GRIP1: variants seen among roughly 807,000 people sequenced by gnomAD.
GRIP1 encodes glutamate receptor interacting protein 1, also known as glutamate receptor-interacting protein 1.
GRIP1 carries 45 observed loss-of-function variants against 129.9 expected under a neutral mutation model. That is an observed-to-expected ratio of 0.35 (90% CI 0.27 to 0.44). The LOEUF is 0.44. Ranked by LOEUF, GRIP1 falls within the 20% of genes least tolerant of loss-of-function variation. The pLI, the probability that GRIP1 is intolerant of heterozygous loss-of-function variation, is 1.00. For missense variants in GRIP1, 1,196 were observed against 1,396.8 expected (o/e 0.86, Z 2.29); for synonymous variants, 530 against 520.8 (o/e 1.02, Z -0.24).
At chr12:66,721,899 C>CATGAAG (rs2036069352) in intron 1 of GRIP1, among the ~76,000 whole-genome samples, 1 of 152,112 alleles carries the variant, frequency 6.6e-6, no homozygotes, top group Admixed American at 6.5e-5. Flanking sequence ...GAACCAACCT[C>CATGAAG]TTCTAGCTTC....
intron 1 of GRIP1, among the ~76,000 whole-genome samples, chr12:66,960,384 A>T (rs760771438): frequency 1.3e-5 from 2 of 152,176 alleles, no homozygotes; most frequent in Non-Finnish European, 2.9e-5. Flanking sequence ...GACTAGACAC[A>T]TGGAGTGAAG....
intron 1 of GRIP1, among the ~76,000 whole-genome samples, chr12:67,030,001 C>T (rs1592490055): frequency 6.7e-6 from 1 of 149,924 alleles, no homozygotes; most frequent in African/African-American, 2.5e-5. Context: ...GAGATGGAGA[C>T]CATCCTGGAT....
At chr12:66,652,666 T>G (rs553142267) in intron 1 of GRIP1, among the ~76,000 whole-genome samples, 1 of 152,352 alleles carries the variant, frequency 6.6e-6, no homozygotes, top group South Asian at 2.1e-4. Context: ...AGGTAGACGC[T>G]CTGCACAGCG....
chr12:66,654,474 T>C (rs1164029549), intron 1 of GRIP1, among the ~76,000 whole-genome samples: 1 of 152,198 alleles, frequency 6.6e-6, no homozygotes, highest in Admixed American at 6.5e-5. Flanking sequence ...GAATGTGGAA[T>C]GTTGCTTGGT....
chr12:66,564,847 T>C (rs2062688535), intron 2 of GRIP1, among the ~76,000 whole-genome samples: 1 of 152,250 alleles, frequency 6.6e-6, no homozygotes, highest in South Asian at 2.1e-4. Flanking sequence ...TATCTCCTTG[T>C]GGTTTTGATT....
chr12:67,009,266 G>A (rs1324714534), intron 1 of GRIP1, among the ~76,000 whole-genome samples: 2 of 152,060 alleles, frequency 1.3e-5, no homozygotes, highest in Non-Finnish European at 2.9e-5. Flanking sequence ...ATTTTAAGAG[G>A]GGATTATTTA....
At chr12:66,701,355 T>A (rs2035345436) in intron 1 of GRIP1, among the ~76,000 whole-genome samples, 1 of 152,116 alleles carries the variant, frequency 6.6e-6, no homozygotes, top group Non-Finnish European at 1.5e-5. Context: ...ATTACTTTAA[T>A]AACACAAAAA....
At chr12:66,582,023 T>C (rs867085370) in intron 2 of GRIP1, among the ~76,000 whole-genome samples, 4 of 152,140 alleles carry the variant, frequency 2.6e-5, no homozygotes, top group African/African-American at 7.2e-5. Flanking sequence ...ACTGGCAAAC[T>C]GAATCCAGCA....
At chr12:66,527,318 C>T (rs146262690) in intron 5 of GRIP1, among the ~76,000 whole-genome samples, 5 of 151,588 alleles carry the variant, frequency 3.3e-5, no homozygotes, top group African/African-American at 4.9e-5. Context: ...AAATGTGGCA[C>T]ATATACACCA....
intron 1 of GRIP1, among the ~76,000 whole-genome samples, chr12:66,961,365 G>C (rs921570778): frequency 1.3e-5 from 2 of 152,032 alleles, no homozygotes; most frequent in African/African-American, 4.8e-5. Flanking sequence ...AAAAAAGGAT[G>C]AATCACTTTA....
chr12:66,564,372 T>C (rs915663524), intron 2 of GRIP1, among the ~76,000 whole-genome samples: 1 of 149,496 alleles, frequency 6.7e-6, no homozygotes, highest in Admixed American at 6.8e-5. Context: ...TGAGAAGATG[T>C]AGTGTTTGGT....
intron 2 of GRIP1, chr12:66,567,695 A>C (rs2062816382): frequency 4.6e-6 from 1 of 219,388 alleles, no homozygotes; most frequent in South Asian, 8.0e-5. Flanking sequence ...CATATTTTGC[A>C]TACATTACAC....
chr12:66,723,311 T>TCC (rs1565988194), intron 1 of GRIP1, among the ~76,000 whole-genome samples: 1 of 69,290 alleles, frequency 1.4e-5, no homozygotes, highest in African/African-American at 7.1e-5. Context: ...TTTCTTTTTT[T>TCC]TTTTTTTTTT....
intron 1 of GRIP1, among the ~76,000 whole-genome samples, chr12:66,895,214 CAT>C (rs1196195400): frequency 2.0e-5 from 3 of 152,180 alleles, no homozygotes; most frequent in Admixed American, 6.5e-5. Context: ...ATAATCCCCA[CAT>C]GTCATGGGAA....
chr12:66,766,688 C>T lies in GRIP1; in HGVS notation c.-420+37365G>A, dbSNP rs138715805. Among the ~76,000 whole-genome samples, 623 of 152,140 alleles carry T rather than the reference C, an allele frequency of 4.1e-3. 2 individuals carry two copies. The highest frequency in any genetic ancestry group is 0.014 in the African/African-American group (598 of 41,478). ...TCAGTAACAGTACAGGAGGTTCTCA[C>T]GTTACGAGCAAAACCTTGACTTAAA... On this transcript the variant is annotated intron_variant, in intron 1 of 4. Coordinates refer to the GRIP1 transcript ENST00000538373.
intron 1 of GRIP1, among the ~76,000 whole-genome samples, chr12:66,961,107 T>TA (rs2041915202): frequency 6.6e-6 from 1 of 152,162 alleles, no homozygotes; most frequent in Non-Finnish European, 1.5e-5. Context: ...GGAGAATTTA[T>TA]AAAAAATATT....
At chr12:66,591,471 C>T (rs900355364) in intron 2 of GRIP1, among the ~76,000 whole-genome samples, 3 of 152,038 alleles carry the variant, frequency 2.0e-5, no homozygotes, top group Non-Finnish European at 2.9e-5. Flanking sequence ...GTACTTATCC[C>T]TTGGTATTTT....
chr12:66,631,627 T>C (rs200324386), intron 1 of GRIP1, among the ~76,000 whole-genome samples: 31 of 91,624 alleles, frequency 3.4e-4, no homozygotes. Flanking sequence ...CTCTCTCTTT[T>C]TAATACGATG....
At chr12:66,357,774 A>G (rs973648188) in intron 23 of GRIP1, among the ~76,000 whole-genome samples, 1 of 152,250 alleles carries the variant, frequency 6.6e-6, no homozygotes, top group Non-Finnish European at 1.5e-5. Context: ...TTTCCTTTCA[A>G]TTTCAAAACA....
Sources: allele counts gnomAD v4.1 joint callset (sites outside exome capture counted in the v4.1 genomes callset), GRCh38; gene constraint gnomAD v4.1.1; transcripts MANE v1.5; gene names NCBI Gene and HGNC (gene_info 2026-07-23, HGNC 2026-07-21).